The following SLC4A8 variants were observed in gnomAD, a reference collection of about 807,000 sequenced individuals.
SLC4A8 encodes the protein electroneutral sodium bicarbonate exchanger 1.
Under a neutral mutation model 125.0 loss-of-function variants are expected in SLC4A8, and 40 were observed. That is an observed-to-expected ratio of 0.32 (90% confidence interval 0.25 to 0.42). The LOEUF is 0.42. Ranked by LOEUF, SLC4A8 falls within the 10% of genes least tolerant of loss-of-function variation. The pLI, the probability that SLC4A8 is intolerant of heterozygous loss-of-function variation, is 1.00. For synonymous variants in SLC4A8, 456 were observed against 476.0 expected (o/e 0.96, Z 0.55); for missense variants, 863 against 1,355.1 (o/e 0.64, Z 5.70).
At chr12:51,464,085 C>G (rs1345791093) in intron 11 of SLC4A8, among the ~76,000 whole-genome samples, 1 of 151,026 alleles carries the variant, frequency 6.6e-6, no homozygotes, top group East Asian at 1.9e-4. Flanking sequence ...GTTAGGTGTT[C>G]CTGCTATGTA....
rs775109557 is a variant in SLC4A8, at chr12:51,471,323, T to C, written c.1695T>C (p.Cys565=). 5.0e-6 allele frequency: 8 copies of C among 1,613,690 alleles called. No homozygotes were observed. In the African/African-American group the frequency reaches 1.1e-4, roughly 22 times the overall value. The change falls in exon 14 of 25, where the codon TGT becomes TGC. Residue 565 remains cysteine, a synonymous_variant. Transcript: ENST00000453097. ...YALSYLSLRA[C]IGLWTAFLCI... ...TTTCATACCTCTCCCTGCGAGCTTG[T>C]ATTGGACTGTGGACCGCTTTCCTGT...
intron 1 of SLC4A8, among the ~76,000 whole-genome samples, chr12:51,432,428 A>AG (rs58972847): frequency 5.6e-5 from 8 of 142,288 alleles, no homozygotes; most frequent in African/African-American, 2.1e-4. Context: ...AAAAAAAAAA[A>AG]GAAACCCTGG....
At chr12:51,395,622 G>T (rs1377389604) in intron 1 of SLC4A8, among the ~76,000 whole-genome samples, 1 of 152,222 alleles carries the variant, frequency 6.6e-6, no homozygotes, top group African/African-American at 2.4e-5. Context: ...CCTTCAGGGG[G>T]AGGTGCTGGC....
intron 1 of SLC4A8, among the ~76,000 whole-genome samples, chr12:51,410,092 G>A (rs1948566294): frequency 6.6e-6 from 1 of 152,174 alleles, no homozygotes; most frequent in South Asian, 2.1e-4. Flanking sequence ...GGGCCTCTAT[G>A]CCTGGTTTAT....
intron 8 of SLC4A8, 129 bp from the exon 9 acceptor site, chr12:51,461,073 CTT>C (rs1238776819): frequency 1.2e-3 from 487 of 421,104 alleles, no homozygotes; most frequent in South Asian, 2.1e-3. Context: ...TTACTGTCTT[CTT>C]TTTTTTTTTT....
intron 2 of SLC4A8, chr12:51,441,005 C>CAT (rs1299655106): frequency 1.8e-6 from 2 of 1,099,374 alleles, no homozygotes; most frequent in Non-Finnish European, 2.3e-6. Context: ...TAATTGCCTA[C>CAT]ATGGGAGATA....
chr12:51,507,106 C>T (rs190080345), intron 24 of SLC4A8, among the ~76,000 whole-genome samples: 2 of 152,244 alleles, frequency 1.3e-5, no homozygotes, highest in East Asian at 3.9e-4. Flanking sequence ...TGAGGCTGCT[C>T]CAAGGAGAAA....
intron 1 of SLC4A8, among the ~76,000 whole-genome samples, chr12:51,430,876 A>T (rs1949164001): frequency 6.6e-6 from 1 of 152,222 alleles, no homozygotes; most frequent in African/African-American, 2.4e-5. Context: ...GGTAGTCAGG[A>T]AGTCATAATA....
chr12:51,507,482 G>A lies in SLC4A8; in HGVS notation c.*44G>A. 5.9e-6 allele frequency: 8 copies of A among 1,347,544 alleles called. No individual in the cohort carries two copies. The highest frequency in any genetic ancestry group is 7.7e-6 in the Non-Finnish European group (8 of 1,034,126). 83.5% of individuals were successfully genotyped at this position (1,347,544 alleles called of 1,614,324 possible). Reference sequence around the variant, plus strand: ...AAGATTTGGGCCGTGTGGTGCCTCAGGGAAGTTCTGGTTACAGAGAAAATG... The same window carrying A: ...AAGATTTGGGCCGTGTGGTGCCTCAAGGAAGTTCTGGTTACAGAGAAAATG... On this transcript the variant is annotated 3_prime_UTR_variant, in exon 25 of 25. Transcript: ENST00000453097.
upstream of SLC4A8, among the ~76,000 whole-genome samples, chr12:51,424,078 A>AC (rs1948881611): frequency 1.5e-5 from 2 of 129,206 alleles, no homozygotes; most frequent in Non-Finnish European, 3.5e-5. Context: ...AAAAAAAAAC[A>AC]AAAAAAACCC....
intron 22 of SLC4A8, among the ~76,000 whole-genome samples, chr12:51,498,039 T>C (rs11169859): frequency 0.065 from 9,816 of 150,660 alleles, 434 homozygotes; most frequent in East Asian, 0.21. Flanking sequence ...CTGAGTGAGA[T>C]CCTATCTCAA....
At chr12:51,470,868 T>A (rs79249249) in intron 13 of SLC4A8, among the ~76,000 whole-genome samples, 2 of 124,716 alleles carry the variant, frequency 1.6e-5, no homozygotes, top group Middle Eastern at 4.0e-3. Flanking sequence ...TGTTTTTTTT[T>A]GTTTTGTTTT....
At position 51,393,927 on chromosome 12, in the gene SLC4A8, C is replaced by T. The variant is rs181140193; in HGVS notation, c.-112+2439C>T. ...GTCATGTGCCTTACTTGACAGCTGTCTTTCTCAGAATGAGGGCACTTCCTG... is the reference window on the plus strand; with the variant it reads ...GTCATGTGCCTTACTTGACAGCTGTTTTTCTCAGAATGAGGGCACTTCCTG... On this transcript the variant is annotated intron_variant, in intron 1 of 24. Coordinates refer to the SLC4A8 transcript ENST00000358657. Among the ~76,000 whole-genome samples, 203 of 152,332 alleles carry T rather than the reference C, an allele frequency of 1.3e-3. 2 individuals carry two copies. The highest frequency in any genetic ancestry group is 1.6e-3 in the Non-Finnish European group (107 of 68,036).
intron 12 of SLC4A8, 126 bp downstream of exon 12, chr12:51,469,914 AC>A: frequency 1.3e-6 from 1 of 781,074 alleles, no homozygotes; most frequent in Non-Finnish European, 2.1e-6. Flanking sequence ...CCTCTGAATT[AC>A]CATGGTCTTC....
At chr12:51,493,840 C>T (rs1278587689) in intron 20 of SLC4A8, 68 bp downstream of exon 20, 2 of 986,574 alleles carry the variant, frequency 2.0e-6, no homozygotes, top group Admixed American at 1.7e-5. Flanking sequence ...CAGGGAGGGA[C>T]AGCTCCCCAA....
intron 1 of SLC4A8, among the ~76,000 whole-genome samples, chr12:51,436,057 G>A: frequency 6.6e-6 from 1 of 152,126 alleles, no homozygotes; most frequent in Admixed American, 6.5e-5. Flanking sequence ...AAAACGCATT[G>A]TATATTATTG....
At chr12:51,477,957 G>A (rs1051488875) in intron 16 of SLC4A8, among the ~76,000 whole-genome samples, 2 of 152,022 alleles carry the variant, frequency 1.3e-5, no homozygotes, top group African/African-American at 2.4e-5. Context: ...ATGGCAAAAC[G>A]CTTTCTCTAC....
chr12:51,419,229 T>C (rs1948739725), intron 1 of SLC4A8, among the ~76,000 whole-genome samples: 1 of 152,246 alleles, frequency 6.6e-6, no homozygotes, highest in Non-Finnish European at 1.5e-5. Flanking sequence ...AAATGTTCTA[T>C]GTACATTTAC....
chr12:51,404,664 T>C (rs565646590), intron 1 of SLC4A8, among the ~76,000 whole-genome samples: 4 of 152,308 alleles, frequency 2.6e-5, no homozygotes, highest in Admixed American at 6.5e-5. Flanking sequence ...GAGAGTCAAC[T>C]TGACCGTGAA....
Sources: allele counts gnomAD v4.1 joint callset (sites outside exome capture counted in the v4.1 genomes callset), GRCh38; gene constraint gnomAD v4.1.1; transcripts MANE v1.5; gene names NCBI Gene and HGNC (gene_info 2026-07-23, HGNC 2026-07-21).